SYNE1: variants seen among roughly 807,000 people sequenced by gnomAD.
SYNE1 encodes nesprin-1.
A neutral mutation model predicts 1,111.0 loss-of-function variants in SYNE1; 616 were observed. That is an observed-to-expected ratio of 0.55 (90% CI 0.52 to 0.59). The LOEUF is 0.59. SYNE1 is among the 20% of genes least tolerant of loss of function. The probability of loss-of-function intolerance (pLI) is 0.00; values close to 1 mark genes in which losing one functional copy is unlikely to be tolerated. For synonymous variants in SYNE1, 3,855 were observed against 3,825.8 expected (o/e 1.01, Z -0.28); for missense variants, 10,006 against 10,417.0 (o/e 0.96, Z 1.72).
rs143282185 is a variant in SYNE1 at position 152,340,613 on chromosome 6, C to T, written c.12226-1247G>A. ...CCTCCACCCCAGTTGTGAACCACTGCGCTAGTCCCATTGGATTATGTAAAG... is the reference window on the plus strand; with the variant it reads ...CCTCCACCCCAGTTGTGAACCACTGTGCTAGTCCCATTGGATTATGTAAAG... On this transcript the variant is annotated intron_variant, in intron 74 of 145. Coordinates refer to ENST00000367255, the MANE Select transcript of SYNE1 (RefSeq NM_182961.4). Among the ~76,000 whole-genome samples, 204 of 152,282 alleles carry T rather than the reference C, an allele frequency of 1.3e-3. 1 individual carries two copies. The highest frequency in any genetic ancestry group is 4.5e-3 in the African/African-American group (189 of 41,552).
rs117179453 is a variant in SYNE1, at chr6:152,409,433, T to C, written c.6381+126A>G. The C allele has an allele frequency of 0.022, 29,014 of 1,346,696 alleles. 427 individuals carry two copies. Among genetic ancestry groups the C allele is most frequent in the Non-Finnish European group, 0.025 (24,431 of 975,140 alleles). The allele number at this position is 1,346,696 out of a possible 1,614,324, so 83.4% of individuals were successfully genotyped here. Reference sequence around the variant, plus strand: ...TCAGCATTCCTAGGGGAAAAAAAGTTGAGCTCATTAGCATGAATTACCCAC... The same window carrying C: ...TCAGCATTCCTAGGGGAAAAAAAGTCGAGCTCATTAGCATGAATTACCCAC... On this transcript the variant is annotated intron_variant, in intron 43 of 145. Coordinates refer to ENST00000367255, the MANE Select transcript of SYNE1 (RefSeq NM_182961.4).
Position 152,578,702 on chromosome 6 carries a change from A to T in SYNE1, c.68-38681T>A, listed in dbSNP as rs185918101. The stretch of plus-strand genomic sequence containing the variant: ...CCTTTGAAATTTTTAAGGCTTATTA[A>T]CCCTATGAAGTCTATAACCCTGTTT... On this transcript the variant is annotated intron_variant, in intron 3 of 145. Transcript: ENST00000367255. Among the ~76,000 whole-genome samples the T allele has an allele frequency of 5.3e-5, 8 of 152,316 alleles. No homozygotes were observed. The East Asian group carries it at 1.4e-3, about 26-fold the overall frequency.
chr6:152,553,182 C>T (rs1307133895), intron 3 of SYNE1, among the ~76,000 whole-genome samples: 1 of 152,136 alleles, frequency 6.6e-6, no homozygotes, highest in African/African-American at 2.4e-5. Context: ...TTCATCAACT[C>T]CCTTGAGGTG....
intron 129 of SYNE1, 97 bp from the exon 130 acceptor site, chr6:152,176,657 C>CAG: frequency 8.0e-7 from 1 of 1,250,336 alleles, no homozygotes; most frequent in Non-Finnish European, 1.2e-6. Flanking sequence ...CTTTCTACTG[C>CAG]TTGGAAGTAG....
chr6:152,225,745 T>C lies in SYNE1; in HGVS notation c.21327A>G (p.Gln7109=), dbSNP rs1330462637. Residue 7109 remains glutamine (Q), a synonymous_variant, in exon 116 of 146, where the codon CAA becomes CAG. Coordinates refer to ENST00000367255, the MANE Select transcript of SYNE1 (RefSeq NM_182961.4). ...IVMSTLRELG[Q]TWANLDHMVG... is the part of the protein sequence containing the mutation. ...CCATGTGATCTAAATTTGCCCAGGT[T>C]TGGCCGAGCTCTCGCAGTGTGCTCA... 1.2e-6 allele frequency: 2 copies of C among 1,614,026 alleles called. No homozygotes were observed. The highest frequency in any genetic ancestry group is 1.3e-5 in the African/African-American group (1 of 74,916).
At chr6:152,132,744 G>A (rs973853300) in intron 143 of SYNE1, among the ~76,000 whole-genome samples, 3 of 152,142 alleles carry the variant, frequency 2.0e-5, no homozygotes, top group Admixed American at 6.5e-5. Context: ...ACAGCAGAAT[G>A]GTTGAAATCT....
At chr6:152,507,743 T>C (rs561003737) in intron 8 of SYNE1, among the ~76,000 whole-genome samples, 152 of 152,324 alleles carry the variant, frequency 1.0e-3, no homozygotes, top group African/African-American at 3.5e-3. Flanking sequence ...TCAGAAAATA[T>C]AATTGTTCTT....
chr6:152,327,315 G>GA (rs71868416), intron 78 of SYNE1, among the ~76,000 whole-genome samples: 28 of 143,812 alleles, frequency 1.9e-4, no homozygotes, highest in East Asian at 6.0e-4. Flanking sequence ...GAAAAGAAAA[G>GA]AAAAAAAAAA....
At position 152,352,138 on chromosome 6, in the gene SYNE1, A is replaced by C. The variant is rs763159675; in HGVS notation, c.11469T>G (p.Asp3823Glu). 1 of 1,614,160 alleles carries C rather than the reference A, an allele frequency of 6.2e-7. No homozygotes were observed. The highest frequency in any genetic ancestry group is 1.1e-5 in the South Asian group (1 of 91,080). ...KGLHLAKEFSDKCKALTQWIA... is the reference protein window; with the variant it reads ...KGLHLAKEFSEKCKALTQWIA... ...TCCACTGTGTCAGTGCTTTGCATTT[A>C]TCTGAGAATTCCTTTGCTAAATGAA... Residue 3823 changes from aspartate (D) to glutamate (E), a missense_variant, in exon 70 of 146, where the codon GAT becomes GAG. Physicochemically the swap from Asp to Glu is conservative, Grantham distance 45. Around this residue, in one of 7 missense-constraint regions of SYNE1, gnomAD observed 4,955 missense variants for 5,017.2 expected, o/e 0.99. Coordinates refer to ENST00000367255, the MANE Select transcript of SYNE1 (RefSeq NM_182961.4).
intron 41 of SYNE1, among the ~76,000 whole-genome samples, chr6:152,413,980 T>C (rs943902862): frequency 8.2e-6 from 1 of 121,878 alleles, no homozygotes; most frequent in Admixed American, 9.9e-5. Flanking sequence ...TACTGAGCTC[T>C]GCAGAATATA....
At chr6:152,207,029 A>T (rs1317822725) in intron 125 of SYNE1, among the ~76,000 whole-genome samples, 1 of 152,164 alleles carries the variant, frequency 6.6e-6, no homozygotes, top group Non-Finnish European at 1.5e-5. Context: ...TGGAAGAAGG[A>T]TGTGTGTTGG....
At chr6:152,485,977 A>T (rs943520169) in intron 12 of SYNE1, among the ~76,000 whole-genome samples, 2 of 152,158 alleles carry the variant, frequency 1.3e-5, no homozygotes, top group African/African-American at 2.4e-5. Flanking sequence ...CGGGCGGATC[A>T]TGAGGTCAAG....
At chr6:152,468,479 G>A (rs1278648064) in intron 16 of SYNE1, among the ~76,000 whole-genome samples, 1 of 151,938 alleles carries the variant, frequency 6.6e-6, no homozygotes, top group Admixed American at 6.6e-5. Context: ...ATTACCTTTT[G>A]GTTTGCATTA....
Position 152,239,639 on chromosome 6 carries a change from A to G in SYNE1, c.19961T>C (p.Phe6654Ser), listed in dbSNP as rs755683708. Reference protein sequence around the residue: ...TETLFRKIISFAVQKETQFHT... With the variant: ...TETLFRKIISSAVQKETQFHT... Reference sequence around the variant, plus strand: ...GAACTGGGTTTCCTTTTGGACTGCAAAGCTGATTATCTTTCTGAAGAGTGT... The same window carrying G: ...GAACTGGGTTTCCTTTTGGACTGCAGAGCTGATTATCTTTCTGAAGAGTGT... The change falls in exon 108 of 146, where the codon TTT (phenylalanine) becomes TCT (serine). Residue 6654 changes from phenylalanine to serine, a missense_variant. Physicochemically the swap from Phe to Ser is radical, Grantham distance 155. Transcript: ENST00000367255. 6.2e-7 allele frequency: 1 copy of G among 1,614,194 alleles called. No homozygotes were observed. Among genetic ancestry groups the G allele is most frequent in the Non-Finnish European group, 8.5e-7 (1 of 1,180,046 alleles).
intron 53 of SYNE1, among the ~76,000 whole-genome samples, chr6:152,388,202 C>G (rs1440212829): frequency 2.0e-5 from 3 of 151,914 alleles, no homozygotes; most frequent in African/African-American, 2.4e-5. Context: ...ATCATGCAGG[C>G]TTTACAGTCC....
At chr6:152,304,649 C>G (rs1177943758) in intron 91 of SYNE1, among the ~76,000 whole-genome samples, 3 of 152,140 alleles carry the variant, frequency 2.0e-5, no homozygotes. Flanking sequence ...ATGAAGTAGA[C>G]AGAGTTAGTA....
chr6:152,360,877 T>A (rs1017911487), intron 64 of SYNE1, among the ~76,000 whole-genome samples: 11 of 152,220 alleles, frequency 7.2e-5, no homozygotes, highest in African/African-American at 1.2e-4. Context: ...ATAACTTTTA[T>A]TCAGCGTGTG....
At chr6:152,320,587 CTTCAT>C (rs2095848354) in intron 84 of SYNE1, among the ~76,000 whole-genome samples, 1 of 152,048 alleles carries the variant, frequency 6.6e-6, no homozygotes, top group Admixed American at 6.5e-5. Context: ...AAATTGTGCT[CTTCAT>C]GAGACCAGAG....
chr6:152,185,948 C>CA (rs1185258739), intron 128 of SYNE1, among the ~76,000 whole-genome samples: 4 of 152,110 alleles, frequency 2.6e-5, no homozygotes, highest in African/African-American at 9.7e-5. Context: ...AAAATCTTGT[C>CA]ATTATTTTAC....
Sources: gnomAD v4.1 joint callset for allele counts (sites outside exome capture counted in the v4.1 genomes callset) on GRCh38, gnomAD v4.1.1 for gene constraint, gnomAD v4.1.1 regional missense constraint, MANE v1.5 for transcripts, NCBI Gene and HGNC (gene_info 2026-07-23, HGNC 2026-07-21) for gene names.